Variants in MYO1E observed in about 807,000 individuals in gnomAD.
MYO1E encodes myosin IE.
MYO1E carries 68 observed loss-of-function variants against 151.1 expected under a neutral mutation model. That is an observed-to-expected ratio of 0.45 (90% CI 0.37 to 0.55). The LOEUF (loss-of-function observed/expected upper bound fraction) is 0.55. MYO1E is among the 20% of genes least tolerant of loss of function. MYO1E has a pLI of 0.00. For synonymous variants in MYO1E, 601 were observed against 501.7 expected (o/e 1.20, Z -2.64); for missense variants, 1,363 against 1,389.3 (o/e 0.98, Z 0.30).
At chr15:59,263,366 T>A (rs2140375326) in intron 2 of MYO1E, among the ~76,000 whole-genome samples, 1 of 152,290 alleles carries the variant, frequency 6.6e-6, no homozygotes, top group Non-Finnish European at 1.5e-5. Context: ...TAATGGCTTT[T>A]CCTTAATTAA....
At chr15:59,204,933 A>G (rs1402931302) in intron 15 of MYO1E, among the ~76,000 whole-genome samples, 1 of 152,232 alleles carries the variant, frequency 6.6e-6, no homozygotes, top group Admixed American at 6.5e-5. Context: ...TTTCTCCCTG[A>G]TAATAGTATT....
chr15:59,227,453 G>A lies in MYO1E; in HGVS notation c.642+6C>T. The A allele has an allele frequency of 6.2e-7, 1 of 1,614,048 alleles. No individual in the cohort carries two copies. Among genetic ancestry groups the A allele is most frequent in the Non-Finnish European group, 8.5e-7 (1 of 1,179,982 alleles). Reference sequence around the variant, plus strand: ...AAGTGGGTAGGAAAAAAGTAAACAGGAAAACCTGGTAAAATATGTGAAAAC... The same window carrying A: ...AAGTGGGTAGGAAAAAAGTAAACAGAAAAACCTGGTAAAATATGTGAAAAC... On this transcript the variant is annotated splice_donor_region_variant and intron_variant, in intron 7 of 27. Transcript: ENST00000288235.
Position 59,210,515 on chromosome 15 carries a change from A to T in MYO1E, c.1361T>A (p.Val454Glu). Reference sequence around the variant, plus strand: ...AAGACATACTAAATGAACACTTACCACTTTGTTCTCTATGAGGTCACATAC... The same window carrying T: ...AAGACATACTAAATGAACACTTACCTCTTTGTTCTCTATGAGGTCACATAC... ...KIVCDLIENK[V>E]NPPGIMSILD... The change falls in exon 13 of 28, where the codon GTG becomes GAG. Residue 454 changes from valine to glutamate, a missense_variant and splice_region_variant. Val to Glu is a moderately radical substitution (Grantham distance 121). Coordinates refer to ENST00000288235, the MANE Select transcript of MYO1E (RefSeq NM_004998.4). The T allele has an allele frequency of 6.4e-7, 1 of 1,571,902 alleles. No homozygotes were observed. The highest frequency in any genetic ancestry group is 8.8e-7 in the Non-Finnish European group (1 of 1,141,700).
chr15:59,250,344 G>A (rs544959615), intron 4 of MYO1E, among the ~76,000 whole-genome samples: 20 of 152,256 alleles, frequency 1.3e-4, no homozygotes, highest in Non-Finnish European at 2.1e-4. Context: ...CCAGGCAGGC[G>A]GTGCGTGATC....
At chr15:59,241,826 G>A (rs1009264484) in intron 4 of MYO1E, among the ~76,000 whole-genome samples, 6 of 152,080 alleles carry the variant, frequency 3.9e-5, no homozygotes, top group African/African-American at 1.2e-4. Flanking sequence ...GGCTGAGGTG[G>A]GAGGATTGTT....
At chr15:59,261,589 G>C in intron 2 of MYO1E, 80 bp from the exon 3 acceptor site, 1 of 935,358 alleles carries the variant, frequency 1.1e-6, no homozygotes, top group Non-Finnish European at 1.7e-6. Context: ...ATGTTATCAA[G>C]AATTCACAAT....
chr15:59,191,366 G>GAGAGAGAGAGAGAGAGAGAGAGAGAGAA (rs1566974739), intron 17 of MYO1E, among the ~76,000 whole-genome samples: 1 of 141,000 alleles, frequency 7.1e-6, no homozygotes, highest in African/African-American at 2.6e-5. Flanking sequence ...GAGAGAGAGA[G>GAGAGAGAGAGAGAGAGAGAGAGAGAGAA]AGAAAGAAAT....
intron 1 of MYO1E, among the ~76,000 whole-genome samples, chr15:59,364,287 C>G (rs1200424188): frequency 6.6e-6 from 1 of 152,210 alleles, no homozygotes; most frequent in Admixed American, 6.5e-5. Flanking sequence ...ATGGTAGGTA[C>G]CTTTGGGCTA....
chr15:59,262,418 G>C (rs1487398924), intron 2 of MYO1E, among the ~76,000 whole-genome samples: 4 of 151,650 alleles, frequency 2.6e-5, no homozygotes, highest in Non-Finnish European at 5.9e-5. Context: ...GGAGTTTGAG[G>C]CCGGCCTGGG....
At chr15:59,366,298 C>CTCTCTCTT in intron 1 of MYO1E, among the ~76,000 whole-genome samples, 1 of 12,878 alleles carries the variant, frequency 7.8e-5, no homozygotes, top group East Asian at 1.7e-3. Flanking sequence ...TCTTTTTTTT[C>CTCTCTCTT]TCTCTCTCTC....
At chr15:59,230,724 T>C (rs1222730127) in intron 6 of MYO1E, among the ~76,000 whole-genome samples, 1 of 152,244 alleles carries the variant, frequency 6.6e-6, no homozygotes, top group Non-Finnish European at 1.5e-5. Flanking sequence ...TGACAGTTAT[T>C]ATATGAGCAC....
Position 59,184,089 on chromosome 15 carries a change from A to T in MYO1E, c.1904+4029T>A, listed in dbSNP as rs572223318. Among the ~76,000 whole-genome samples, 10 of 152,250 alleles carry T rather than the reference A, an allele frequency of 6.6e-5. No homozygotes were observed. In the South Asian group the frequency reaches 2.1e-3, roughly 32 times the overall value. Reference sequence around the variant, plus strand: ...AGTGGCGTAATCTCGGCTCACTGCAACCTCTGCCTTGGGTTCCAGCAATCC... The same window carrying T: ...AGTGGCGTAATCTCGGCTCACTGCATCCTCTGCCTTGGGTTCCAGCAATCC... On this transcript the variant is annotated intron_variant, in intron 18 of 27. Transcript: ENST00000288235.
intron 1 of MYO1E, among the ~76,000 whole-genome samples, chr15:59,297,058 T>C: frequency 8.6e-6 from 1 of 116,028 alleles, no homozygotes; most frequent in Non-Finnish European, 1.9e-5. Context: ...TTCACTGTGT[T>C]AGCCAGGATG....
At chr15:59,335,803 G>C (rs567098396) in intron 1 of MYO1E, among the ~76,000 whole-genome samples, 1 of 152,134 alleles carries the variant, frequency 6.6e-6, no homozygotes, top group Admixed American at 6.5e-5. Context: ...GACTCCCCTT[G>C]AGATGTCAGG....
At chr15:59,303,219 C>G (rs1387714954) in intron 1 of MYO1E, among the ~76,000 whole-genome samples, 1 of 152,160 alleles carries the variant, frequency 6.6e-6, no homozygotes, top group Non-Finnish European at 1.5e-5. Flanking sequence ...AAAAGCCAGC[C>G]TGAGCAACGT....
intron 1 of MYO1E, among the ~76,000 whole-genome samples, chr15:59,322,925 G>A (rs2080636482): frequency 6.6e-6 from 1 of 151,838 alleles, no homozygotes; most frequent in Non-Finnish European, 1.5e-5. Flanking sequence ...ACTTTGGGAG[G>A]ACGAGGTGGG....
In MYO1E at chr15:59,202,267, T is replaced by C. The variant is rs1048105487; in HGVS notation, c.1698+59A>G. On this transcript the variant is annotated intron_variant, in intron 16 of 27. Coordinates refer to ENST00000288235, the MANE Select transcript of MYO1E (RefSeq NM_004998.4). Reference sequence around the variant, plus strand: ...ATCCTGGCCCAGGGGTGCAGTTCCTTACTCCTAGAAAGCGCTAGCCCTTAT... The same window carrying C: ...ATCCTGGCCCAGGGGTGCAGTTCCTCACTCCTAGAAAGCGCTAGCCCTTAT... 6 of 1,482,452 alleles carry C rather than the reference T, an allele frequency of 4.0e-6. No individual in the cohort carries two copies. The African/African-American group carries it at 8.3e-5, about 21-fold the overall frequency. 91.8% of individuals were successfully genotyped at this position (1,482,452 alleles called of 1,614,324 possible).
At chr15:59,341,000 G>A (rs1394948850) in intron 1 of MYO1E, among the ~76,000 whole-genome samples, 4 of 118,976 alleles carry the variant, frequency 3.4e-5, no homozygotes, top group Non-Finnish European at 6.4e-5. Flanking sequence ...GCCTGGGACA[G>A]AGCGAGACTC....
intron 18 of MYO1E, among the ~76,000 whole-genome samples, chr15:59,181,921 A>G (rs971707257): frequency 1.1e-4 from 16 of 152,234 alleles, no homozygotes; most frequent in African/African-American, 3.9e-4. Context: ...CCTTTAGAGA[A>G]AATAAAGTTA....
Sources: allele counts gnomAD v4.1 joint callset (sites outside exome capture counted in the v4.1 genomes callset), GRCh38; gene constraint gnomAD v4.1.1; transcripts MANE v1.5; gene names NCBI Gene and HGNC (gene_info 2026-07-23, HGNC 2026-07-21).